Variants in CDK8 observed in about 807,000 individuals in gnomAD.
CDK8 encodes the protein cyclin-dependent kinase 8.
A neutral mutation model predicts 71.5 loss-of-function variants in CDK8; 29 were observed. The observed-to-expected ratio is 0.41, with a 90% confidence interval of 0.30 to 0.55. CDK8 has a LOEUF of 0.55. Among genes scored for constraint, CDK8 ranks in the 20% least tolerant of loss-of-function variants. The probability of loss-of-function intolerance (pLI) is 0.37; values close to 1 mark genes in which losing one functional copy is unlikely to be tolerated. For missense variants in CDK8, 288 were observed against 572.6 expected, an observed-to-expected ratio of 0.50 and a Z score of 5.07; for synonymous variants, 161 against 192.1, an observed-to-expected ratio of 0.84 and a Z score of 1.34.
intron 1 of CDK8, among the ~76,000 whole-genome samples, chr13:26,276,413 G>T (rs1456541785): frequency 6.6e-6 from 1 of 152,134 alleles, no homozygotes; most frequent in East Asian, 1.9e-4. Context: ...TTGAGCTTGA[G>T]CAGTTCATTC....
At chr13:26,256,543 T>A (rs542097239) in intron 1 of CDK8, among the ~76,000 whole-genome samples, 11 of 152,310 alleles carry the variant, frequency 7.2e-5, no homozygotes, top group Middle Eastern at 3.4e-3. Flanking sequence ...GCTAATAAAA[T>A]ATGCATATTT....
Position 26,401,716 on chromosome 13 carries a change from A to G in CDK8, c.1269+92A>G. On this transcript the variant is annotated intron_variant, in intron 12 of 12. Coordinates refer to ENST00000381527, the MANE Select transcript of CDK8 (RefSeq NM_001260.3). This position sits in a 1 kb window ranked among gnomAD's most constrained non-coding sequence, Gnocchi z 4.5. ...AATGTGATTTAATTGAGAAATACTGACGTCTGTATACCCAGGGAAATACAT... is the reference window on the plus strand; with the variant it reads ...AATGTGATTTAATTGAGAAATACTGGCGTCTGTATACCCAGGGAAATACAT... 8.0e-7 allele frequency: 1 copy of G among 1,255,616 alleles called. No homozygotes were observed. Among genetic ancestry groups the G allele is most frequent in the Admixed American group, 1.8e-5 (1 of 56,996 alleles). The allele number at this position is 1,255,616 out of a possible 1,614,324, so 77.8% of individuals were successfully genotyped here.
intron 1 of CDK8, among the ~76,000 whole-genome samples, chr13:26,311,316 C>G (rs892383731): frequency 6.6e-6 from 1 of 151,538 alleles, no homozygotes; most frequent in Non-Finnish European, 1.5e-5. Context: ...TTACTCTTCC[C>G]CTACTTCTTT....
At chr13:26,384,452 T>C (rs1875378019) in intron 5 of CDK8, among the ~76,000 whole-genome samples, 3 of 152,162 alleles carry the variant, frequency 2.0e-5, no homozygotes, top group Admixed American at 2.0e-4. Flanking sequence ...TAGGGATAGA[T>C]ATGAAAGAGA....
intron 1 of CDK8, among the ~76,000 whole-genome samples, chr13:26,303,336 T>C (rs1463010278): frequency 1.3e-5 from 2 of 152,146 alleles, no homozygotes; most frequent in East Asian, 3.8e-4. Context: ...GGTCTTGCTC[T>C]GTCACCCAGG....
chr13:26,343,629 C>T (rs1373896946), intron 2 of CDK8, among the ~76,000 whole-genome samples: 1 of 152,138 alleles, frequency 6.6e-6, no homozygotes, highest in Non-Finnish European at 1.5e-5. Flanking sequence ...CTCAGGGTAT[C>T]AGTGAGTAGT....
chr13:26,391,772 G>T (rs2138060182), intron 6 of CDK8, among the ~76,000 whole-genome samples: 1 of 152,322 alleles, frequency 6.6e-6, no homozygotes, highest in South Asian at 2.1e-4. Flanking sequence ...TTGGTTCTCT[G>T]ATATGTAAAT....
In CDK8 at chr13:26,292,006, TATTA is replaced by T. The variant is rs1438825712; in HGVS notation, c.128+37241_128+37244del. ...TTAAAAAAATGTCTATTCAATTTTA[TATTA>T]ATTCTTAACTTTATATTTCACACAT... On this transcript the variant is annotated intron_variant, in intron 1 of 12. Coordinates refer to ENST00000381527, the MANE Select transcript of CDK8 (RefSeq NM_001260.3). Among the ~76,000 whole-genome samples, 8 of 152,270 alleles carry T rather than the reference TATTA, an allele frequency of 5.3e-5. No individual in the cohort carries two copies. In the East Asian group the frequency reaches 5.8e-4, roughly 11 times the overall value.
At chr13:26,329,168 A>C (rs1875171192) in intron 1 of CDK8, among the ~76,000 whole-genome samples, 1 of 152,058 alleles carries the variant, frequency 6.6e-6, no homozygotes, top group African/African-American at 2.4e-5. Flanking sequence ...GTTTAAATAG[A>C]GTTTTAGGAA....
intron 1 of CDK8, among the ~76,000 whole-genome samples, chr13:26,317,908 A>C (rs1874588486): frequency 6.6e-6 from 1 of 152,118 alleles, no homozygotes. Context: ...CAAAGCTGGC[A>C]AAAGGAAGGA....
chr13:26,290,579 A>T (rs192991355), intron 1 of CDK8, among the ~76,000 whole-genome samples: 1 of 152,150 alleles, frequency 6.6e-6, no homozygotes, highest in East Asian at 1.9e-4. Context: ...TTCAAACCCC[A>T]CACCCCTTTT....
intron 9 of CDK8, among the ~76,000 whole-genome samples, chr13:26,397,591 G>A (rs1403527360): frequency 6.6e-6 from 1 of 152,086 alleles, no homozygotes; most frequent in Non-Finnish European, 1.5e-5. Context: ...AGATTGTTTT[G>A]TATTTCAGCT....
At chr13:26,322,733 A>G (rs1158030753) in intron 1 of CDK8, among the ~76,000 whole-genome samples, 2 of 152,132 alleles carry the variant, frequency 1.3e-5, no homozygotes, top group African/African-American at 4.8e-5. Context: ...TCACTTCTTT[A>G]GTAGTCTTCT....
intron 1 of CDK8, among the ~76,000 whole-genome samples, chr13:26,280,131 T>C (rs1872685615): frequency 6.6e-6 from 1 of 152,234 alleles, no homozygotes; most frequent in South Asian, 2.1e-4. Context: ...ATGACTACAT[T>C]GTAATTCCAC....
intron 1 of CDK8, among the ~76,000 whole-genome samples, chr13:26,263,167 G>T (rs1871849928): frequency 6.6e-6 from 1 of 151,854 alleles, no homozygotes; most frequent in African/African-American, 2.4e-5. Flanking sequence ...ACGGAGTCTC[G>T]CTCTGTTGCC....
At chr13:26,344,344 A>T (rs990604846) in intron 2 of CDK8, among the ~76,000 whole-genome samples, 1 of 152,212 alleles carries the variant, frequency 6.6e-6, no homozygotes, top group Admixed American at 6.5e-5. Context: ...TAGTGCTGCA[A>T]TGAACATACA....
chr13:26,362,899 A>T (rs908721625), intron 4 of CDK8, among the ~76,000 whole-genome samples: 3 of 152,080 alleles, frequency 2.0e-5, no homozygotes, highest in Non-Finnish European at 4.4e-5. Flanking sequence ...GTAGTAGTTA[A>T]CTTGGAACTA....
At chr13:26,310,007 C>T (rs926160380) in intron 1 of CDK8, among the ~76,000 whole-genome samples, 6 of 152,146 alleles carry the variant, frequency 3.9e-5, no homozygotes, top group Admixed American at 2.6e-4. Context: ...CCACCTGCCT[C>T]GGCCTCCGAA....
intron 1 of CDK8, among the ~76,000 whole-genome samples, chr13:26,337,073 C>T (rs919925644): frequency 1.3e-5 from 2 of 151,976 alleles, no homozygotes; most frequent in Non-Finnish European, 2.9e-5. Context: ...ACACATGTTG[C>T]GTGAGTGTCT....
Sources: allele counts gnomAD v4.1 joint callset (sites outside exome capture counted in the v4.1 genomes callset), GRCh38; gene constraint gnomAD v4.1.1; non-coding constraint Gnocchi (gnomAD v3.1); transcripts MANE v1.5; gene names NCBI Gene and HGNC (gene_info 2026-07-23, HGNC 2026-07-21).